Variants in ADAM12 observed in about 807,000 individuals in gnomAD.
ADAM12 encodes disintegrin and metalloproteinase domain-containing protein 12.
ADAM12 carries 70 observed loss-of-function variants against 106.4 expected under a neutral mutation model. That is an observed-to-expected ratio of 0.66 (90% confidence interval 0.54 to 0.80). The LOEUF is 0.80. ADAM12 is among the 30% of genes least tolerant of loss of function. ADAM12 has a pLI of 0.00. For synonymous variants in ADAM12, 420 were observed against 433.5 expected (o/e 0.97, Z 0.39); for missense variants, 1,010 against 1,171.9 (o/e 0.86, Z 2.02).
rs1222998963 is a variant in ADAM12 at position 126,049,540 on chromosome 10, C to T, written c.1718+21G>A. ...GGGAAGGTCAGAGCAAAGACTTTGC[C>T]AGGATGTCTGGATTCCATACCTCAT... On this transcript the variant is annotated intron_variant, in intron 15 of 22. Coordinates refer to ENST00000448723, the MANE Select transcript of ADAM12 (RefSeq NM_001288973.2). This position sits in a 1 kb window ranked among gnomAD's most constrained non-coding sequence, Gnocchi z 4.4. 1 of 1,613,972 alleles carries T rather than the reference C, an allele frequency of 6.2e-7. No homozygotes were observed. The highest frequency in any genetic ancestry group is 8.5e-7 in the Non-Finnish European group (1 of 1,179,854).
At chr10:126,234,900 G>A (rs892152482) in intron 3 of ADAM12, among the ~76,000 whole-genome samples, 2 of 152,232 alleles carry the variant, frequency 1.3e-5, no homozygotes, top group Admixed American at 6.5e-5. Context: ...GGCACGTGGA[G>A]AGACCTACAA....
At chr10:126,054,916 C>T (rs1710289) in intron 14 of ADAM12, among the ~76,000 whole-genome samples, 1 of 151,826 alleles carries the variant, frequency 6.6e-6, no homozygotes, top group Non-Finnish European at 1.5e-5. Context: ...GCTCGCATCA[C>T]TTACCACACC....
intron 3 of ADAM12, among the ~76,000 whole-genome samples, chr10:126,226,415 G>A (rs906679562): frequency 2.6e-5 from 4 of 152,316 alleles, no homozygotes; most frequent in Non-Finnish European, 5.9e-5. Context: ...GCAGCCCTGC[G>A]TTGGCAAGGG....
At chr10:126,305,462 G>GA (rs1960803914) in intron 2 of ADAM12, among the ~76,000 whole-genome samples, 1 of 152,060 alleles carries the variant, frequency 6.6e-6, no homozygotes, top group Non-Finnish European at 1.5e-5. Flanking sequence ...TGAAGCCAGA[G>GA]TTGATAAGAA....
intron 1 of ADAM12, among the ~76,000 whole-genome samples, chr10:126,343,193 G>A (rs535045945): frequency 6.8e-4 from 35 of 51,412 alleles, no homozygotes; most frequent in African/African-American, 2.6e-3. Flanking sequence ...CCCATCCCAC[G>A]ACAGGCCCTG....
intron 3 of ADAM12, among the ~76,000 whole-genome samples, chr10:126,232,611 C>A (rs1958333991): frequency 6.6e-6 from 1 of 152,226 alleles, no homozygotes; most frequent in South Asian, 2.1e-4. Context: ...TCCTTCTCAA[C>A]TGACACCTGC....
intron 4 of ADAM12, among the ~76,000 whole-genome samples, chr10:126,146,703 C>T (rs1351357782): frequency 6.6e-6 from 1 of 152,186 alleles, no homozygotes; most frequent in East Asian, 1.9e-4. Flanking sequence ...CAGCTCCTCT[C>T]TTGCTGGCCT....
At chr10:126,267,871 A>G (rs77660858) in intron 3 of ADAM12, among the ~76,000 whole-genome samples, 6,244 of 152,126 alleles carry the variant, frequency 0.041, 283 homozygotes, top group East Asian at 0.13. Context: ...CCTCTACACT[A>G]TGTACCTTCA....
intron 5 of ADAM12, among the ~76,000 whole-genome samples, chr10:126,133,045 C>T (rs1956336651): frequency 6.6e-6 from 1 of 152,160 alleles, no homozygotes; most frequent in South Asian, 2.1e-4. Flanking sequence ...ATCCTCAAAT[C>T]CTATCCTGAT....
chr10:126,271,873 AC>A (rs1391963389), intron 3 of ADAM12, among the ~76,000 whole-genome samples: 1 of 152,236 alleles, frequency 6.6e-6, no homozygotes, highest in Non-Finnish European at 1.5e-5. Context: ...TTATCAGGAC[AC>A]ACAACCCCTG....
intron 3 of ADAM12, among the ~76,000 whole-genome samples, chr10:126,200,521 C>A (rs760763754): frequency 1.3e-5 from 2 of 152,126 alleles, no homozygotes; most frequent in Non-Finnish European, 2.9e-5. Flanking sequence ...AGATCTTGGG[C>A]AAGGGATTTG....
At chr10:126,062,607 C>T (rs980580770) in intron 14 of ADAM12, among the ~76,000 whole-genome samples, 1 of 152,180 alleles carries the variant, frequency 6.6e-6, no homozygotes, top group Non-Finnish European at 1.5e-5. Context: ...CAGCTTTGGT[C>T]ACCATGAATC....
chr10:126,018,475 C>T (rs1953700311), intron 22 of ADAM12, among the ~76,000 whole-genome samples: 1 of 152,144 alleles, frequency 6.6e-6, no homozygotes, highest in African/African-American at 2.4e-5. Flanking sequence ...CTACCATGAC[C>T]TAGGTTTTCT....
At chr10:126,146,302 C>T (rs925935019) in intron 4 of ADAM12, among the ~76,000 whole-genome samples, 2 of 152,066 alleles carry the variant, frequency 1.3e-5, no homozygotes, top group Admixed American at 6.5e-5. Flanking sequence ...CAGGGAGAGC[C>T]GGTGAGTTAG....
chr10:126,197,785 C>T (rs1379471810), intron 3 of ADAM12, among the ~76,000 whole-genome samples: 1 of 152,064 alleles, frequency 6.6e-6, no homozygotes, highest in African/African-American at 2.4e-5. Context: ...GGCCATGTGA[C>T]AGAGAGAAGT....
At chr10:126,075,915 T>C (rs1375037710) in intron 11 of ADAM12, among the ~76,000 whole-genome samples, 1 of 152,192 alleles carries the variant, frequency 6.6e-6, no homozygotes, top group Non-Finnish European at 1.5e-5. Context: ...TGACTGAAGG[T>C]ATTTTTATTT....
intron 3 of ADAM12, among the ~76,000 whole-genome samples, chr10:126,223,303 A>G (rs980529851): frequency 6.6e-6 from 1 of 152,210 alleles, no homozygotes; most frequent in African/African-American, 2.4e-5. Context: ...TATTTCTCAT[A>G]TTTCAGCTTC....
In ADAM12 at chr10:126,043,682, T is replaced by C. The variant is rs550592737; in HGVS notation, c.1996-534A>G. On this transcript the variant is annotated intron_variant, in intron 17 of 22. Coordinates refer to ENST00000448723, the MANE Select transcript of ADAM12 (RefSeq NM_001288973.2). This position sits in a 1 kb window ranked among gnomAD's most constrained non-coding sequence, Gnocchi z 4.1. ...CCCCGTTTCCTGAGCAAAGGAATCC[T>C]GTTTCCTGCAATCCTAGCAGGGTGC... Among the ~76,000 whole-genome samples, 7 of 152,324 alleles carry C rather than the reference T, an allele frequency of 4.6e-5. No individual in the cohort carries two copies. The South Asian group carries it at 1.5e-3, about 32-fold the overall frequency.
intron 3 of ADAM12, among the ~76,000 whole-genome samples, chr10:126,259,443 T>C (rs1207256568): frequency 6.6e-6 from 1 of 152,220 alleles, no homozygotes; most frequent in African/African-American, 2.4e-5. Flanking sequence ...TTTTGCAAAG[T>C]TTGTTTACTG....
Sources: gnomAD v4.1 joint callset for allele counts (sites outside exome capture counted in the v4.1 genomes callset) on GRCh38, gnomAD v4.1.1 for gene constraint, Gnocchi (gnomAD v3.1) non-coding constraint, MANE v1.5 for transcripts, NCBI Gene and HGNC (gene_info 2026-07-23, HGNC 2026-07-21) for gene names.